The following NCAM2 variants were observed in gnomAD, a reference collection of about 807,000 sequenced individuals.
NCAM2 encodes the protein N-CAM-2.
In NCAM2, 30 loss-of-function variants were observed where a neutral mutation model predicts 98.1. The ratio of observed to expected loss-of-function variants is 0.31; its 90% CI spans 0.23 to 0.41. The LOEUF is 0.41. Among genes scored for constraint, NCAM2 ranks in the 10% least tolerant of loss-of-function variants. The probability of loss-of-function intolerance (pLI) is 1.00; values close to 1 mark genes in which losing one functional copy is unlikely to be tolerated. For synonymous variants in NCAM2, 368 were observed against 342.4 expected, an observed-to-expected ratio of 1.07 and a Z score of -0.83; for missense variants, 867 against 1,005.8, an observed-to-expected ratio of 0.86 and a Z score of 1.87.
chr21:21,480,366 C>CAAAAAAAAAAAAAAAAAAAAAAAAAA (rs59203448), intron 15 of NCAM2, among the ~76,000 whole-genome samples: 2 of 69,946 alleles, frequency 2.9e-5, no homozygotes, highest in African/African-American at 1.2e-4. Flanking sequence ...GACTCCATCT[C>CAAAAAAAAAAAAAAAAAAAAAAAAAA]AAAAAAAAAA....
chr21:21,506,822 C>T (rs1988008946), intron 15 of NCAM2, among the ~76,000 whole-genome samples: 1 of 151,794 alleles, frequency 6.6e-6, no homozygotes, highest in Non-Finnish European at 1.5e-5. Flanking sequence ...TATTTTTTTT[C>T]ACTACCTTGT....
intron 1 of NCAM2, among the ~76,000 whole-genome samples, chr21:21,128,587 C>T (rs901418470): frequency 4.6e-5 from 7 of 151,988 alleles, no homozygotes; most frequent in Non-Finnish European, 1.0e-4. Flanking sequence ...CCTGTAGAAA[C>T]AAAGTAAAAG....
intron 1 of NCAM2, among the ~76,000 whole-genome samples, chr21:21,251,950 TG>T (rs765687019): frequency 3.9e-5 from 6 of 152,134 alleles, no homozygotes; most frequent in Non-Finnish European, 7.3e-5. Context: ...TTGCTTTTGG[TG>T]TTTTAATCAT....
chr21:21,310,814 C>T (rs145151784), intron 5 of NCAM2, among the ~76,000 whole-genome samples: 1 of 152,180 alleles, frequency 6.6e-6, no homozygotes, highest in East Asian at 1.9e-4. Flanking sequence ...CTCTCTAATC[C>T]CTTTATAGTC....
At chr21:21,308,117 C>T (rs796405663) in intron 5 of NCAM2, among the ~76,000 whole-genome samples, 12 of 151,780 alleles carry the variant, frequency 7.9e-5, no homozygotes, top group African/African-American at 2.7e-4. Context: ...TTCAAACTTC[C>T]AATTAGCTCA....
In NCAM2 at chr21:21,261,166, A is replaced by G. The variant is rs202210219; in HGVS notation, c.56-19412A>G. Among the ~76,000 whole-genome samples the G allele has an allele frequency of 9.2e-5, 14 of 152,286 alleles. No individual in the cohort carries two copies. In the East Asian group the frequency reaches 2.7e-3, roughly 29 times the overall value. On this transcript the variant is annotated intron_variant, in intron 1 of 17. Coordinates refer to ENST00000400546, the MANE Select transcript of NCAM2 (RefSeq NM_004540.5). The stretch of plus-strand genomic sequence containing the variant: ...ACAAGAAGATTTAACTGTCCTAGAT[A>G]TGTACACACAACATCAGCACAGCCA...
At chr21:21,340,047 A>T (rs2074981795) in intron 8 of NCAM2, among the ~76,000 whole-genome samples, 2 of 151,882 alleles carry the variant, frequency 1.3e-5, no homozygotes, top group Non-Finnish European at 2.9e-5. Context: ...TTACTATGAC[A>T]CAGTTGCCAA....
intron 16 of NCAM2, among the ~76,000 whole-genome samples, chr21:21,519,488 A>T (rs1158743212): frequency 1.3e-5 from 2 of 151,986 alleles, no homozygotes; most frequent in African/African-American, 4.8e-5. Context: ...AGAAATCAAA[A>T]TGTACCTTCA....
intron 5 of NCAM2, among the ~76,000 whole-genome samples, chr21:21,301,682 A>T (rs1237984508): frequency 6.7e-6 from 1 of 149,820 alleles, no homozygotes; most frequent in Admixed American, 6.7e-5. Flanking sequence ...GATGGTTTCC[A>T]ATTTCATCCA....
At chr21:21,156,553 T>G (rs1238732384) in intron 1 of NCAM2, among the ~76,000 whole-genome samples, 1 of 151,286 alleles carries the variant, frequency 6.6e-6, no homozygotes, top group African/African-American at 2.4e-5. Context: ...GTTTTTACTA[T>G]GGAAGTCAAG....
chr21:21,292,023 T>G, intron 4 of NCAM2, 81 bp from the exon 5 acceptor site: 1 of 1,347,900 alleles, frequency 7.4e-7, no homozygotes, highest in Non-Finnish European at 1.0e-6. Flanking sequence ...AGTGCCATAT[T>G]TTAACTCTTA....
intron 1 of NCAM2, among the ~76,000 whole-genome samples, chr21:21,215,374 A>G (rs986732911): frequency 2.0e-5 from 3 of 152,184 alleles, no homozygotes; most frequent in Non-Finnish European, 4.4e-5. Context: ...TTTAACACAG[A>G]AAGTTTACTA....
At chr21:21,120,137 G>A (rs1414077673) in intron 1 of NCAM2, among the ~76,000 whole-genome samples, 1 of 152,184 alleles carries the variant, frequency 6.6e-6, no homozygotes, top group East Asian at 1.9e-4. Flanking sequence ...ATGCTGTAGA[G>A]AATGAAAGAC....
At chr21:21,016,449 T>A (rs1274321431) in intron 1 of NCAM2, among the ~76,000 whole-genome samples, 1 of 152,104 alleles carries the variant, frequency 6.6e-6, no homozygotes, top group Non-Finnish European at 1.5e-5. Context: ...CTTTTATAAA[T>A]GAGGTAATGA....
chr21:21,348,587 G>GA (rs755280800), intron 8 of NCAM2, among the ~76,000 whole-genome samples: 2 of 142,556 alleles, frequency 1.4e-5, no homozygotes, highest in Non-Finnish European at 3.1e-5. Flanking sequence ...CACAGAAATA[G>GA]AAAAAACTTT....
intron 8 of NCAM2, among the ~76,000 whole-genome samples, chr21:21,364,411 A>G (rs1387798555): frequency 2.6e-5 from 4 of 152,010 alleles, no homozygotes; most frequent in African/African-American, 9.7e-5. Context: ...AATGCATATG[A>G]ATCATTCAGC....
intron 1 of NCAM2, among the ~76,000 whole-genome samples, chr21:21,212,361 A>C (rs2069689548): frequency 6.6e-6 from 1 of 152,236 alleles, no homozygotes; most frequent in Admixed American, 6.5e-5. Context: ...GAGATGAAGA[A>C]CAGATTATTG....
intron 1 of NCAM2, among the ~76,000 whole-genome samples, chr21:21,177,120 G>T (rs1434049701): frequency 5.3e-5 from 8 of 152,110 alleles, no homozygotes; most frequent in Admixed American, 5.2e-4. Flanking sequence ...GAGCAATTGT[G>T]AAAGTTATCT....
At chr21:21,536,473 C>A (rs1294212866) in intron 17 of NCAM2, among the ~76,000 whole-genome samples, 1 of 151,422 alleles carries the variant, frequency 6.6e-6, no homozygotes, top group African/African-American at 2.4e-5. Context: ...CTCACCTCAA[C>A]CTCCGCCTCC....
Sources: gnomAD v4.1 joint callset for allele counts (sites outside exome capture counted in the v4.1 genomes callset) on GRCh38, gnomAD v4.1.1 for gene constraint, MANE v1.5 for transcripts, NCBI Gene and HGNC (gene_info 2026-07-23, HGNC 2026-07-21) for gene names.